The following RAD50 variants were observed in gnomAD, a reference collection of about 807,000 sequenced individuals.
RAD50 encodes RAD50 double strand break repair protein.
Under a neutral mutation model 168.8 loss-of-function variants are expected in RAD50, and 132 were observed. The observed-to-expected ratio is 0.78, with a 90% CI of 0.68 to 0.90. RAD50 has a LOEUF of 0.90. RAD50 is among the 40% of genes least tolerant of loss of function. The pLI, the probability that RAD50 is intolerant of heterozygous loss-of-function variation, is 0.00. For synonymous variants in RAD50, 525 were observed against 497.4 expected, an observed-to-expected ratio of 1.06 and a Z score of -0.74; for missense variants, 1,347 against 1,534.4, an observed-to-expected ratio of 0.88 and a Z score of 2.04.
In RAD50 at chr5:132,557,470, C is replaced by T. The variant is rs1750024479; in HGVS notation, c.129+17C>T. 6.2e-7 allele frequency: 1 copy of T among 1,614,010 alleles called. No individual in the cohort carries two copies. The highest frequency in any genetic ancestry group is 1.7e-5 in the Admixed American group (1 of 60,028). The stretch of plus-strand genomic sequence containing the variant: ...GGAAAGACGGTAAGTCTTCAGTAGC[C>T]GCCTTCAGTTTACAGGTCGCTACAT... On this transcript the variant is annotated intron_variant, in intron 1 of 24. Coordinates refer to ENST00000378823, the MANE Select transcript of RAD50 (RefSeq NM_005732.4).
intron 5 of RAD50, among the ~76,000 whole-genome samples, chr5:132,584,061 C>A (rs1169261262): frequency 6.6e-6 from 1 of 151,970 alleles, no homozygotes. Flanking sequence ...AATTTTTTTC[C>A]TCATCCATTC....
intron 6 of RAD50, 30 bp downstream of exon 6, chr5:132,587,720 CA>C (rs1750620296): frequency 6.2e-7 from 1 of 1,612,772 alleles, no homozygotes; most frequent in South Asian, 1.1e-5. Context: ...TGTTCTGCTT[CA>C]AAATTTTGGG....
chr5:132,606,908 A>G (rs1750995400), intron 16 of RAD50, among the ~76,000 whole-genome samples: 1 of 152,212 alleles, frequency 6.6e-6, no homozygotes, highest in African/African-American at 2.4e-5. Context: ...GGCCTTCGAT[A>G]AAATTCAACA....
At position 132,587,544 on chromosome 5, in the gene RAD50, A is replaced by T. The variant is rs770194111; in HGVS notation, c.757-18A>T. On this transcript the variant is annotated intron_variant, in intron 5 of 24. Transcript: ENST00000378823. ...AGCTATAGTGAGTTTTATTTATGTA[A>T]TGTTTCTTTATTTTCAGAATCGTCT... is the stretch of plus-strand genomic sequence containing the variant. 1.9e-6 allele frequency: 3 copies of T among 1,611,510 alleles called. No individual in the cohort carries two copies. The highest frequency in any genetic ancestry group is 4.5e-5 in the East Asian group (2 of 44,718).
rs764621889 is a variant in RAD50 at position 132,588,799 on chromosome 5, C to T, written c.1164C>T (p.Phe388=). ...TGGATGGCTTTGAGCGTGGACCATT[C>T]AGTGAAAGACAGATTAAAAATTTTC... is the stretch of plus-strand genomic sequence containing the variant. ...LELDGFERGP[F]SERQIKNFHK... Residue 388 remains phenylalanine (F), a synonymous_variant, in exon 8 of 25, where the codon TTC becomes TTT. Coordinates refer to ENST00000378823, the MANE Select transcript of RAD50 (RefSeq NM_005732.4). 6.2e-7 allele frequency: 1 copy of T among 1,613,930 alleles called. No homozygotes were observed. The highest frequency in any genetic ancestry group is 1.1e-5 in the South Asian group (1 of 91,066).
At position 132,633,395 on chromosome 5, in the gene RAD50, G is replaced by A. The variant is rs192100382; in HGVS notation, c.3390-3720G>A. Among the ~76,000 whole-genome samples, 448 of 151,982 alleles carry A rather than the reference G, an allele frequency of 2.9e-3. 2 individuals carry two copies. Among genetic ancestry groups the A allele is most frequent in the Non-Finnish European group, 5.0e-3 (341 of 67,940 alleles). ...GTTGGGATTACAGGTGTGAGCCACC[G>A]CACCCAGCTGCCTCAGCTTTCTTTA... is the stretch of plus-strand genomic sequence containing the variant. On this transcript the variant is annotated intron_variant, in intron 21 of 24. Coordinates refer to ENST00000378823, the MANE Select transcript of RAD50 (RefSeq NM_005732.4).
At chr5:132,642,106 T>G in intron 24 of RAD50, 72 bp from the exon 25 acceptor site, 2 of 1,481,536 alleles carry the variant, frequency 1.3e-6, no homozygotes, top group Non-Finnish European at 1.9e-6. Context: ...TGACAAGGTT[T>G]GCGGTGACTT....
chr5:132,599,813 T>C (rs546557760), intron 13 of RAD50, among the ~76,000 whole-genome samples: 1 of 152,180 alleles, frequency 6.6e-6, no homozygotes, highest in East Asian at 1.9e-4. Flanking sequence ...CTGGGTGACC[T>C]TAGGGATGTT....
chr5:132,557,430 G>A lies in RAD50; in HGVS notation c.106G>A (p.Gly36Arg), dbSNP rs2149830181. The change falls in exon 1 of 25, where the codon GGA becomes AGA. Residue 36 changes from glycine (G) to arginine (R), a missense_variant. Coordinates refer to ENST00000378823, the MANE Select transcript of RAD50 (RefSeq NM_005732.4). The part of the protein sequence containing the change: ...TFFSPLTILV[G>R]PNGAGKTTII... ...CTTCAGCCCCCTTACAATTTTGGTT[G>A]GACCCAATGGGGCGGGAAAGACGGT... 1 of 1,614,224 alleles carries A rather than the reference G, an allele frequency of 6.2e-7. No homozygotes were observed.
At chr5:132,565,712 T>C (rs1046775350) in intron 2 of RAD50, among the ~76,000 whole-genome samples, 5 of 152,176 alleles carry the variant, frequency 3.3e-5, no homozygotes, top group Non-Finnish European at 5.9e-5. Flanking sequence ...ATGATCTGAC[T>C]TCCCCCTAGC....
chr5:132,612,141 A>T (rs1248618396), intron 19 of RAD50, among the ~76,000 whole-genome samples: 1 of 152,212 alleles, frequency 6.6e-6, no homozygotes. Context: ...ATGATCAGAT[A>T]AACAAAATGT....
At position 132,557,044 on chromosome 5, in the gene RAD50, C is replaced by T. The variant is rs1337217994; in HGVS notation, c.-281C>T. The T allele has an allele frequency of 7.7e-6, 5 of 651,118 alleles. No individual in the cohort carries two copies. The highest frequency in any genetic ancestry group is 3.6e-5 in the African/African-American group (2 of 54,980). 40.3% of individuals were successfully genotyped at this position (651,118 alleles called of 1,614,324 possible). ...CGGTTGCGGGGTCGCATTGTGGCTA[C>T]GGCTTTGCGTCCCCGGCGGGCAGCC... On this transcript the variant is annotated 5_prime_UTR_variant, in exon 1 of 25. In the 5' UTR this introduces an upstream ATG that the reference lacks. Transcript: ENST00000378823.
intron 24 of RAD50, chr5:132,641,894 T>G: frequency 2.4e-6 from 1 of 419,558 alleles, no homozygotes; most frequent in East Asian, 4.1e-5. Context: ...CCTGCTTTAG[T>G]GAGAACTTCT....
intron 19 of RAD50, among the ~76,000 whole-genome samples, chr5:132,609,627 C>A (rs939721524): frequency 6.6e-6 from 1 of 151,984 alleles, no homozygotes; most frequent in Non-Finnish European, 1.5e-5. Flanking sequence ...ACTGAAAATA[C>A]AAAAATTAGC....
chr5:132,578,894 G>C (rs1750449478), intron 3 of RAD50, among the ~76,000 whole-genome samples: 1 of 152,064 alleles, frequency 6.6e-6, no homozygotes, highest in Non-Finnish European at 1.5e-5. Context: ...TATTGCCTCT[G>C]CTCACCAGAG....
At chr5:132,607,561 A>G (rs898586046) in intron 16 of RAD50, among the ~76,000 whole-genome samples, 3 of 152,164 alleles carry the variant, frequency 2.0e-5, no homozygotes, top group Non-Finnish European at 2.9e-5. Context: ...AGATTACAAA[A>G]TATCAGAGGT....
Position 132,604,049 on chromosome 5 carries a change from A to G in RAD50, c.2524+3A>G, listed in dbSNP as rs1339706998. 6.2e-7 allele frequency: 1 copy of G among 1,613,292 alleles called. No individual in the cohort carries two copies. The highest frequency in any genetic ancestry group is 8.5e-7 in the Non-Finnish European group (1 of 1,179,454). On this transcript the variant is annotated splice_donor_region_variant and intron_variant, in intron 15 of 24. Transcript: ENST00000378823. ...GAAACAGCACAAGTTAGACACAGGT[A>G]ATACAGTCTGTGTCCTTCTGTACTC...
intron 21 of RAD50, among the ~76,000 whole-genome samples, chr5:132,621,999 C>T (rs969109269): frequency 1.1e-4 from 17 of 152,246 alleles, no homozygotes; most frequent in African/African-American, 3.6e-4. Context: ...CCTCTTTCCT[C>T]TACATTGCTT....
chr5:132,587,486 G>A, intron 5 of RAD50, 76 bp from the exon 6 acceptor site: 2 of 1,575,662 alleles, frequency 1.3e-6, no homozygotes, highest in Non-Finnish European at 8.6e-7. Context: ...TGGACCTGGA[G>A]TATCTTACTT....
Sources: allele counts gnomAD v4.1 joint callset (sites outside exome capture counted in the v4.1 genomes callset), GRCh38; gene constraint gnomAD v4.1.1; transcripts MANE v1.5; gene names NCBI Gene and HGNC (gene_info 2026-07-23, HGNC 2026-07-21).